The following DOK6 variants were observed in gnomAD, a reference collection of about 807,000 sequenced individuals.
DOK6 encodes the protein docking protein 6, also known as downstream of tyrosine kinase 6.
DOK6 carries 22 observed loss-of-function variants against 44.0 expected under a neutral mutation model. The observed-to-expected ratio is 0.50, with a 90% CI of 0.36 to 0.71. The LOEUF (loss-of-function observed/expected upper bound fraction) is 0.71, where lower values mean the gene tolerates loss of function less well. DOK6 is among the 30% of genes least tolerant of loss of function. The probability of loss-of-function intolerance (pLI) is 0.00; values close to 1 mark genes in which losing one functional copy is unlikely to be tolerated. For missense variants in DOK6, 340 were observed against 416.4 expected (o/e 0.82, Z 1.60); for synonymous variants, 166 against 145.5 (o/e 1.14, Z -1.01).
chr18:69,457,586 CT>C (rs1465376013), intron 1 of DOK6, among the ~76,000 whole-genome samples: 1 of 152,124 alleles, frequency 6.6e-6, no homozygotes, highest in African/African-American at 2.4e-5. Flanking sequence ...AAGTCTGGTT[CT>C]TTTTTGCTTA....
chr18:69,683,297 G>A (rs1440156667), intron 4 of DOK6, among the ~76,000 whole-genome samples: 3 of 152,122 alleles, frequency 2.0e-5, no homozygotes, highest in Admixed American at 6.5e-5. Context: ...CTGCAGTGAG[G>A]GAATCAATCT....
At chr18:69,501,580 G>T (rs999856693) in intron 1 of DOK6, among the ~76,000 whole-genome samples, 4 of 152,102 alleles carry the variant, frequency 2.6e-5, no homozygotes, top group African/African-American at 9.7e-5. Flanking sequence ...CAGGGGAGTG[G>T]TGTTTAGTAG....
chr18:69,757,567 GTTTACAAGTATTCC>G (rs1354200508), intron 6 of DOK6, among the ~76,000 whole-genome samples, 175 bp from the exon 7 acceptor site: 1 of 151,520 alleles, frequency 6.6e-6, no homozygotes, highest in East Asian at 1.9e-4. Context: ...GAGTAAAATT[GTTTACAAGTATTCC>G]TTTCATATTT....
At chr18:69,711,334 G>A (rs567950653) in intron 5 of DOK6, among the ~76,000 whole-genome samples, 6 of 152,212 alleles carry the variant, frequency 3.9e-5, no homozygotes, top group Non-Finnish European at 7.4e-5. Flanking sequence ...TTTTAATGAC[G>A]AACGAGGTAA....
intron 1 of DOK6, among the ~76,000 whole-genome samples, chr18:69,460,489 T>A (rs1394278010): frequency 6.6e-6 from 1 of 152,182 alleles, no homozygotes; most frequent in Non-Finnish European, 1.5e-5. Context: ...CAGTTTATGC[T>A]TTATGTAAAA....
chr18:69,522,861 A>G (rs1002158956), intron 1 of DOK6, among the ~76,000 whole-genome samples: 5 of 152,088 alleles, frequency 3.3e-5, no homozygotes, highest in African/African-American at 9.7e-5. Flanking sequence ...GGAGAAAAGT[A>G]TATCTATATT....
chr18:69,417,195 T>A (rs1978363516), intron 1 of DOK6, among the ~76,000 whole-genome samples: 1 of 152,116 alleles, frequency 6.6e-6, no homozygotes, highest in African/African-American at 2.4e-5. Flanking sequence ...TAACTGTATT[T>A]TTGTGCCCAT....
In DOK6 at chr18:69,698,466, C is replaced by A. The variant is rs1986440980; in HGVS notation, c.472C>A (p.Gln158Lys). The A allele has an allele frequency of 1.2e-6, 2 of 1,613,918 alleles. No individual in the cohort carries two copies. Among genetic ancestry groups the A allele is most frequent in the African/African-American group, 2.7e-5 (2 of 74,918 alleles). Reference protein sequence around the residue: ...NLDIYGECTMQITHENIYLWD... With the variant: ...NLDIYGECTMKITHENIYLWD... ...GGATATTTATGGTGAATGCACAATGCAGATCACTCATGAAAATATCTATCT... is the reference window on the plus strand; with the variant it reads ...GGATATTTATGGTGAATGCACAATGAAGATCACTCATGAAAATATCTATCT... The change falls in exon 5 of 8, where the codon CAG becomes AAG. Residue 158 changes from glutamine to lysine, a missense_variant. By Grantham distance (53) the Gln-to-Lys change is moderately conservative. Around this residue, in one of 3 missense-constraint regions of DOK6, gnomAD observed 206 missense variants for 258.6 expected, o/e 0.80. Coordinates refer to ENST00000382713, the MANE Select transcript of DOK6 (RefSeq NM_152721.6).
chr18:69,790,370 G>A (rs1028027794), intron 7 of DOK6, among the ~76,000 whole-genome samples: 8 of 152,162 alleles, frequency 5.3e-5, no homozygotes, highest in African/African-American at 1.2e-4. Context: ...ACCATGGCAC[G>A]TGTATACCTT....
intron 1 of DOK6, among the ~76,000 whole-genome samples, chr18:69,437,634 G>C (rs1979020030): frequency 6.6e-6 from 1 of 152,228 alleles, no homozygotes; most frequent in East Asian, 1.9e-4. Flanking sequence ...TTTTGCTTAG[G>C]ATTGTTTTGG....
At chr18:69,675,502 A>G (rs1366034839) in intron 3 of DOK6, among the ~76,000 whole-genome samples, 1 of 152,210 alleles carries the variant, frequency 6.6e-6, no homozygotes, top group Non-Finnish European at 1.5e-5. Flanking sequence ...TTATTTTTAC[A>G]TCGTGGAGTC....
chr18:69,652,280 T>G (rs1028490204), intron 3 of DOK6, among the ~76,000 whole-genome samples: 2 of 152,244 alleles, frequency 1.3e-5, no homozygotes, highest in African/African-American at 2.4e-5. Context: ...ACCTATTTAT[T>G]GAAATCTAGA....
chr18:69,812,560 T>C (rs973358331), intron 7 of DOK6, among the ~76,000 whole-genome samples: 14 of 152,066 alleles, frequency 9.2e-5, no homozygotes, highest in Admixed American at 6.6e-4. Flanking sequence ...AACCTACCTC[T>C]TGAGGGGATG....
intron 1 of DOK6, among the ~76,000 whole-genome samples, chr18:69,552,382 T>C (rs1982586993): frequency 6.6e-6 from 1 of 152,014 alleles, no homozygotes; most frequent in Non-Finnish European, 1.5e-5. Context: ...ATATTCTATA[T>C]TAAATTTATA....
intron 3 of DOK6, among the ~76,000 whole-genome samples, chr18:69,611,881 G>A (rs73970198): frequency 7.4e-4 from 113 of 151,984 alleles, no homozygotes; most frequent in African/African-American, 2.3e-3. Context: ...AGCTTGTATT[G>A]GAACTGTGCA....
chr18:69,459,452 C>G (rs1445367464), intron 1 of DOK6, among the ~76,000 whole-genome samples: 1 of 151,922 alleles, frequency 6.6e-6, no homozygotes, highest in Non-Finnish European at 1.5e-5. Flanking sequence ...CAATCTTTAT[C>G]AAGTATTTAA....
intron 1 of DOK6, among the ~76,000 whole-genome samples, chr18:69,454,965 C>G (rs1403181736): frequency 7.2e-6 from 1 of 139,264 alleles, no homozygotes; most frequent in Non-Finnish European, 1.5e-5. Context: ...GGCTAGATGA[C>G]GAGTTAGTGG....
chr18:69,784,506 ATAT>A (rs565147012), intron 7 of DOK6, among the ~76,000 whole-genome samples: 93 of 151,754 alleles, frequency 6.1e-4, no homozygotes, highest in African/African-American at 1.7e-3. Context: ...GTAATATAAA[ATAT>A]TATGATGCAC....
intron 1 of DOK6, among the ~76,000 whole-genome samples, chr18:69,496,759 A>C (rs1330340873): frequency 6.6e-6 from 1 of 152,158 alleles, no homozygotes; most frequent in African/African-American, 2.4e-5. Context: ...ATCATATCAC[A>C]TTGTAGTTAC....
Sources: allele counts gnomAD v4.1 joint callset (sites outside exome capture counted in the v4.1 genomes callset), GRCh38; gene constraint gnomAD v4.1.1; regional missense constraint gnomAD v4.1.1; transcripts MANE v1.5; gene names NCBI Gene and HGNC (gene_info 2026-07-23, HGNC 2026-07-21).